Variants in TSFM observed in about 807,000 individuals in gnomAD.
The protein encoded by TSFM is elongation factor Ts, mitochondrial.
TSFM carries 29 observed loss-of-function variants against 33.4 expected under a neutral mutation model. The observed-to-expected ratio is 0.87, with a 90% confidence interval of 0.65 to 1.18. The LOEUF is 1.18. TSFM is among the 50% of genes most tolerant of loss of function. The pLI is 0.00. For synonymous variants in TSFM, 178 were observed against 163.5 expected (o/e 1.09, Z -0.68); for missense variants, 394 against 395.6 (o/e 1.00, Z 0.04).
rs572532426 is a variant in TSFM, at chr12:57,796,253, T to C, written c.648T>C (p.Tyr216=). The C allele has an allele frequency of 2.5e-6, 4 of 1,613,384 alleles. No individual in the cohort carries two copies. Among genetic ancestry groups the C allele is most frequent in the East Asian group, 2.2e-5 (1 of 44,880 alleles). ...CATCTGGGTTCTACGTTGGCTCTTA[T>C]GTCCACGGAGCAATGCAGAGTCCCT... ...KVPSGFYVGS[Y]VHGAMQSPSL... is the part of the protein sequence containing the mutation. The change falls in exon 6 of 6, where the codon TAT becomes TAC. Residue 216 remains tyrosine, a synonymous_variant. Transcript: ENST00000652027.
At chr12:57,782,981 C>T (rs937131758) in intron 1 of TSFM, 123 bp downstream of exon 1, 7 of 1,461,092 alleles carry the variant, frequency 4.8e-6, no homozygotes, top group South Asian at 3.9e-5. Flanking sequence ...ATTGCCTCTG[C>T]CCAGTCCAGC....
rs1955598309 is a variant in TSFM at position 57,786,926 on chromosome 12, T to TC, written c.361-112dup. On this transcript the variant is annotated intron_variant, in intron 3 of 5. Transcript: ENST00000652027. Reference sequence around the variant, plus strand: ...TTTAAAATTTTGGAGTCATTTTTTTTCCGTTGAGTCTGTAGCTTGTTCTAT... The same window carrying TC: ...TTTAAAATTTTGGAGTCATTTTTTTTCCCGTTGAGTCTGTAGCTTGTTCTAT... 5.0e-6 allele frequency: 6 copies of TC among 1,195,814 alleles called. No individual in the cohort carries two copies. In the East Asian group the frequency reaches 1.5e-4, roughly 30 times the overall value. 74.1% of individuals were successfully genotyped at this position (1,195,814 alleles called of 1,614,324 possible).
chr12:57,789,427 G>C (rs1319467452), intron 4 of TSFM, among the ~76,000 whole-genome samples: 1 of 152,004 alleles, frequency 6.6e-6, no homozygotes, highest in Non-Finnish European at 1.5e-5. Flanking sequence ...GCAGTGTTGT[G>C]ATCTCAGCTC....
chr12:57,793,226 T>C (rs1203066961), intron 5 of TSFM, among the ~76,000 whole-genome samples, 153 bp downstream of exon 5: 1 of 152,044 alleles, frequency 6.6e-6, no homozygotes, highest in African/African-American at 2.4e-5. Flanking sequence ...TAGGGAACAT[T>C]AGGCATCTTT....
intron 5 of TSFM, 51 bp from the exon 6 acceptor site, chr12:57,796,126 A>G: frequency 6.6e-7 from 1 of 1,516,114 alleles, no homozygotes; most frequent in Non-Finnish European, 8.9e-7. Flanking sequence ...TGGTACCATC[A>G]CAGACATCAC....
intron 2 of TSFM, among the ~76,000 whole-genome samples, chr12:57,785,117 A>G (rs985684002): frequency 8.6e-5 from 13 of 151,876 alleles, no homozygotes; most frequent in East Asian, 2.0e-4. Flanking sequence ...TAGTAGAGAC[A>G]GGGTTTCACC....
At chr12:57,798,674 T>C (rs947182933), downstream of TSFM, among the ~76,000 whole-genome samples, 1 of 151,720 alleles carries the variant, frequency 6.6e-6, no homozygotes, top group South Asian at 2.1e-4. Flanking sequence ...TGGAGTACAG[T>C]GGCACAATCT....
In TSFM at chr12:57,797,197, C is replaced by G; in HGVS notation, c.*614C>G. ...GTGGGTGGGTGGGTACTGAGGTTTC[C>G]TGGCCAGCTGTAAGGCAGATTTTGA... On this transcript the variant is annotated 3_prime_UTR_variant, in exon 6 of 6. Transcript: ENST00000652027. The G allele has an allele frequency of 2.0e-6, 2 of 985,374 alleles. No homozygotes were observed. The highest frequency in any genetic ancestry group is 9.4e-5 in the South Asian group (2 of 21,292). 61.0% of individuals were successfully genotyped at this position (985,374 alleles called of 1,614,324 possible).
At chr12:57,795,981 C>A (rs958128890) in intron 5 of TSFM, among the ~76,000 whole-genome samples, 196 bp from the exon 6 acceptor site, 1 of 152,172 alleles carries the variant, frequency 6.6e-6, no homozygotes, top group East Asian at 1.9e-4. Context: ...TCACTTCCCC[C>A]ACTCCCGCTC....
In TSFM at chr12:57,785,339, C is replaced by T. The variant is rs965190536; in HGVS notation, c.232-824C>T. Among the ~76,000 whole-genome samples the T allele has an allele frequency of 3.3e-5, 5 of 152,346 alleles. No individual in the cohort carries two copies. The East Asian group carries it at 9.6e-4, about 29-fold the overall frequency. On this transcript the variant is annotated intron_variant, in intron 2 of 5. Coordinates refer to ENST00000652027, the MANE Select transcript of TSFM (RefSeq NM_005726.6). ...TCATTAACACTGTGTTCCACTTTCA[C>T]ATCTTGTCCTGCTGGAAGGTCTTCA...
At position 57,789,835 on chromosome 12, in the gene TSFM, C is replaced by G. The variant is rs762232120; in HGVS notation, c.483+2673C>G. On this transcript the variant is annotated intron_variant, in intron 4 of 5. Transcript: ENST00000652027. ...TGCTCAAATTATCTGCGGATTTGAT[C>G]AATGCAAGCTGACTGTAATGTCCTT... is the stretch of plus-strand genomic sequence containing the variant. 4.6e-5 allele frequency among the ~76,000 whole-genome samples: 7 copies of G among 152,184 alleles called. 1 individual carries two copies. Among genetic ancestry groups the G allele is most frequent in the Admixed American group, 6.5e-5 (1 of 15,274 alleles).
rs373488198 is a variant in TSFM, at chr12:57,783,847, C to A, written c.231+564C>A. ...GCCAGGCTGGTCTCGAACTCCTGGCCTCAGGTGATCCGCCCGCCTCGGCTT... is the reference window on the plus strand; with the variant it reads ...GCCAGGCTGGTCTCGAACTCCTGGCATCAGGTGATCCGCCCGCCTCGGCTT... On this transcript the variant is annotated intron_variant, in intron 2 of 5. Coordinates refer to ENST00000652027, the MANE Select transcript of TSFM (RefSeq NM_005726.6). 3.9e-5 allele frequency: 26 copies of A among 658,912 alleles called. No individual in the cohort carries two copies. The Middle Eastern group carries it at 7.4e-4, about 19-fold the overall frequency. The allele number at this position is 658,912 out of a possible 1,614,324, so 40.8% of individuals were successfully genotyped here. A position where few individuals can be genotyped will look rare whatever the true frequency, so the allele number is the denominator to read the frequency against.
At chr12:57,784,154 G>A (rs1045688953) in intron 2 of TSFM, 1 of 702,174 alleles carries the variant, frequency 1.4e-6, no homozygotes, top group Non-Finnish European at 2.6e-6. Flanking sequence ...AATACTGTAG[G>A]CAGTTGTAAC....
At chr12:57,802,854 C>T, downstream of TSFM, 1 of 559,676 alleles carries the variant, frequency 1.8e-6, no homozygotes, top group East Asian at 2.9e-5. Context: ...CCCTACTCCA[C>T]TGCCCTTATG....
rs983806310 is a variant in TSFM at position 57,783,231 on chromosome 12, C to T, written c.179C>T (p.Ser60Phe). The T allele has an allele frequency of 6.2e-7, 1 of 1,613,892 alleles. No individual in the cohort carries two copies. Among genetic ancestry groups the T allele is most frequent in the East Asian group, 2.2e-5 (1 of 44,872 alleles). ...AAGCTGCGGCGGAAAACAGGCTACT[C>T]CTTTGTAAATTGCAAGAAAGCTCTG... ...LMKLRRKTGY[S>F]FVNCKKALET... The change falls in exon 2 of 6, where the codon TCC (serine) becomes TTC (phenylalanine). Residue 60 changes from serine to phenylalanine, a missense_variant. Around this residue, in one of 3 missense-constraint regions of TSFM, gnomAD observed 208 missense variants for 180.4 expected, o/e 1.15. Transcript: ENST00000652027.
In TSFM at chr12:57,792,978, G is replaced by A. The variant is rs2140424261; in HGVS notation, c.484-8G>A. ...ATCAGTTCATGTTTGTTTTCTTCGT[G>A]CACTTAGGGTTTCTTGAATTCCTCT... On this transcript the variant is annotated splice_polypyrimidine_tract_variant and splice_region_variant and intron_variant, in intron 4 of 5. Transcript: ENST00000652027. The A allele has an allele frequency of 1.2e-6, 2 of 1,613,104 alleles. No homozygotes were observed. Among genetic ancestry groups the A allele is most frequent in the Non-Finnish European group, 1.7e-6 (2 of 1,179,224 alleles).
chr12:57,783,263 T>C lies in TSFM; in HGVS notation c.211T>C (p.Cys71Arg). 6.2e-7 allele frequency: 1 copy of C among 1,613,740 alleles called. No individual in the cohort carries two copies. The highest frequency in any genetic ancestry group is 8.5e-7 in the Non-Finnish European group (1 of 1,179,874). Reference protein sequence around the residue: ...FVNCKKALETCGGDLKQAEIW... With the variant: ...FVNCKKALETRGGDLKQAEIW... ...AAATTGCAAGAAAGCTCTGGAGACTTGTGGCGGGGACCTCAAACAGGTGTG... is the reference window on the plus strand; with the variant it reads ...AAATTGCAAGAAAGCTCTGGAGACTCGTGGCGGGGACCTCAAACAGGTGTG... Residue 71 changes from cysteine (C) to arginine (R), a missense_variant, in exon 2 of 6, where the codon TGT becomes CGT. Transcript: ENST00000652027.
chr12:57,800,904 G>A (rs111894075), downstream of TSFM, among the ~76,000 whole-genome samples: 3 of 152,298 alleles, frequency 2.0e-5, no homozygotes, highest in African/African-American at 2.4e-5. Flanking sequence ...CACCGCGCCC[G>A]GCCCCATTTT....
In TSFM at chr12:57,783,724, G is replaced by A. The variant is rs1955547947; in HGVS notation, c.231+441G>A. 3 of 581,494 alleles carry A rather than the reference G, an allele frequency of 5.2e-6. No individual in the cohort carries two copies. In the Admixed American group the frequency reaches 8.1e-5, roughly 16 times the overall value. 36.0% of individuals were successfully genotyped at this position (581,494 alleles called of 1,614,324 possible). A position where few individuals can be genotyped will look rare whatever the true frequency, so the allele number is the denominator to read the frequency against. ...TTCTCCTGCCTCAGCCTCCTGAGTAGTTGGGATTACAGGCGTGCGCCACGA... is the reference window on the plus strand; with the variant it reads ...TTCTCCTGCCTCAGCCTCCTGAGTAATTGGGATTACAGGCGTGCGCCACGA... On this transcript the variant is annotated intron_variant, in intron 2 of 5. Transcript: ENST00000652027.
Sources: gnomAD v4.1 joint callset for allele counts (sites outside exome capture counted in the v4.1 genomes callset) on GRCh38, gnomAD v4.1.1 for gene constraint, gnomAD v4.1.1 regional missense constraint, MANE v1.5 for transcripts, NCBI Gene and HGNC (gene_info 2026-07-23, HGNC 2026-07-21) for gene names.